UTP15: variants seen among roughly 807,000 people sequenced by gnomAD.
The protein encoded by UTP15 is U3 small nucleolar RNA-associated protein 15 homolog.
A neutral mutation model predicts 59.1 loss-of-function variants in UTP15; 5 were observed. The ratio of observed to expected loss-of-function variants is 0.08; its 90% CI spans 0.04 to 0.18. The LOEUF is 0.18. UTP15 is among the 10% of genes least tolerant of loss of function. The probability of loss-of-function intolerance (pLI) is 1.00; values close to 1 mark genes in which losing one functional copy is unlikely to be tolerated. For synonymous variants in UTP15, 211 were observed against 212.2 expected (o/e 0.99, Z 0.05); for missense variants, 494 against 616.7 (o/e 0.80, Z 2.11).
chr5:73,569,756 G>T, intron 5 of UTP15, 81 bp downstream of exon 5: 1 of 1,273,514 alleles, frequency 7.9e-7, no homozygotes. Context: ...CTTTTGGGAT[G>T]GAGGGGTTTA....
Position 73,582,497 on chromosome 5 carries a change from A to C in UTP15, c.*2403A>C, listed in dbSNP as rs1048450533. ...TCTCCTAGGCTGAAGCTATCCTCCC[A>C]CCTCAGCCTCCTGAGAAGCTGGGGC... On this transcript the variant is annotated 3_prime_UTR_variant, in exon 13 of 13. Coordinates refer to ENST00000296792, the MANE Select transcript of UTP15 (RefSeq NM_032175.4). 1 of 152,006 alleles carries C rather than the reference A, an allele frequency of 6.6e-6. No homozygotes were observed. Among genetic ancestry groups the C allele is most frequent in the Non-Finnish European group, 1.5e-5 (1 of 68,024 alleles). 9.4% of individuals were successfully genotyped at this position (152,006 alleles called of 1,614,324 possible).
At chr5:73,566,387 T>G (rs1747765838) in intron 1 of UTP15, among the ~76,000 whole-genome samples, 1 of 152,212 alleles carries the variant, frequency 6.6e-6, no homozygotes, top group African/African-American at 2.4e-5. Context: ...CATTCACCAT[T>G]ATAGCCCCAG....
intron 7 of UTP15, among the ~76,000 whole-genome samples, chr5:73,573,293 G>C (rs1314175657): frequency 6.7e-6 from 1 of 150,204 alleles, no homozygotes; most frequent in African/African-American, 2.5e-5. Flanking sequence ...TGTTGCCCAG[G>C]CTGGTGTGCA....
chr5:73,577,848 G>C lies in UTP15; in HGVS notation c.895-8G>C. On this transcript the variant is annotated splice_region_variant and splice_polypyrimidine_tract_variant and intron_variant, in intron 8 of 12. Coordinates refer to ENST00000296792, the MANE Select transcript of UTP15 (RefSeq NM_032175.4). ...AATAGACTAACTTATTTTTCTAATT[G>C]TTATTAGCATGAAGATGAGACAATA... 6.4e-7 allele frequency: 1 copy of C among 1,573,342 alleles called. No homozygotes were observed. The highest frequency in any genetic ancestry group is 8.6e-7 in the Non-Finnish European group (1 of 1,166,828).
rs764471134 is a variant in UTP15 at position 73,578,838 on chromosome 5, G to A, written c.1132G>A (p.Asp378Asn). The change falls in exon 10 of 13, where the codon GAT (aspartate) becomes AAT (asparagine). Residue 378 changes from aspartate to asparagine, a missense_variant. By Grantham distance (23) the Asp-to-Asn change is conservative. Coordinates refer to ENST00000296792, the MANE Select transcript of UTP15 (RefSeq NM_032175.4). ...ACATTTTCGGATCTCTAAGGCACTC[G>A]ATAGAGTTCTTGATGTGAGTGAGCA... ...LKHFRISKAL[D>N]RVLDPTCTIK... is the part of the protein sequence containing the mutation. The A allele has an allele frequency of 4.4e-6, 7 of 1,606,282 alleles. No homozygotes were observed. Among genetic ancestry groups the A allele is most frequent in the Non-Finnish European group, 6.0e-6 (7 of 1,174,046 alleles).
chr5:73,568,069 G>A (rs168223), intron 2 of UTP15, among the ~76,000 whole-genome samples, 166 bp from the exon 3 acceptor site: 27,823 of 152,018 alleles, frequency 0.18, 2,884 homozygotes, highest in Non-Finnish European at 0.23. Flanking sequence ...AGAATAGTCT[G>A]GGTGATGAGA....
rs113620423 is a variant in UTP15 at position 73,578,984 on chromosome 5, G to A, written c.1147-33G>A. On this transcript the variant is annotated intron_variant, in intron 10 of 12. Coordinates refer to ENST00000296792, the MANE Select transcript of UTP15 (RefSeq NM_032175.4). ...ACAGTGATTTTTTTTGTGCTGTTTTGTCTACTCATGTTGACTTTGAAAATT... is the reference window on the plus strand; with the variant it reads ...ACAGTGATTTTTTTTGTGCTGTTTTATCTACTCATGTTGACTTTGAAAATT... 4.3e-3 allele frequency: 6,832 copies of A among 1,598,770 alleles called. 219 individuals are homozygous for A. In the African/African-American group the frequency reaches 0.076, roughly 18 times the overall value.
Position 73,579,373 on chromosome 5 carries a change from T to C in UTP15, c.1337T>C (p.Ile446Thr). ...PVLINAAEII[I>T]DIYLPVIGQS... is the part of the protein sequence containing the mutation. ...TTAATCAATGCTGCTGAAATAATTA[T>C]TGGTAAGTCATTGTTAAAACTTGAA... Residue 446 changes from isoleucine (I) to threonine (T), a missense_variant and splice_region_variant, in exon 12 of 13, where the codon ATT (isoleucine) becomes ACT (threonine). Physicochemically the swap from Ile to Thr is moderately conservative, Grantham distance 89. Transcript: ENST00000296792. The C allele has an allele frequency of 1.2e-6, 2 of 1,604,416 alleles. No homozygotes were observed. Among genetic ancestry groups the C allele is most frequent in the Middle Eastern group, 1.7e-4 (1 of 6,034 alleles).
At chr5:73,569,965 T>C (rs1747883290) in intron 5 of UTP15, among the ~76,000 whole-genome samples, 1 of 152,028 alleles carries the variant, frequency 6.6e-6, no homozygotes, top group Non-Finnish European at 1.5e-5. Flanking sequence ...CCCAAGTAGC[T>C]GGGACTACAG....
chr5:73,568,154 A>G, intron 2 of UTP15, 81 bp from the exon 3 acceptor site: 1 of 1,041,768 alleles, frequency 9.6e-7, no homozygotes, highest in Non-Finnish European at 1.4e-6. Context: ...ACAAAGAGAA[A>G]CGGTCTGTAA....
intron 1 of UTP15, 67 bp from the exon 2 acceptor site, chr5:73,567,195 A>G (rs1400856443): frequency 2.2e-6 from 1 of 446,902 alleles, no homozygotes; most frequent in African/African-American, 2.0e-5. Context: ...CTTTTTAAAG[A>G]AAGCAGAGTG....
At position 73,570,673 on chromosome 5, in the gene UTP15, T is replaced by C. The variant is rs1747906252; in HGVS notation, c.635T>C (p.Val212Ala). 6.2e-7 allele frequency: 1 copy of C among 1,614,080 alleles called. No homozygotes were observed. Among genetic ancestry groups the C allele is most frequent in the African/African-American group, 1.3e-5 (1 of 74,938 alleles). Residue 212 changes from valine to alanine, a missense_variant, in exon 6 of 13, where the codon GTC (valine) becomes GCC (alanine). By Grantham distance (64) the Val-to-Ala change is moderately conservative. Coordinates refer to ENST00000296792, the MANE Select transcript of UTP15 (RefSeq NM_032175.4). ...GAGCATGGGCAGCCAGTGGAGAGTG[T>C]CCTACTTTTCCCCTCTGGAGGTCTT... ...SVEHGQPVES[V>A]LLFPSGGLLV...
Position 73,579,958 on chromosome 5 carries a change from T to C in UTP15, c.1421T>C (p.Ile474Thr), listed in dbSNP as rs1484491334. The change falls in exon 13 of 13, where the codon ATT (isoleucine) becomes ACT (threonine). Residue 474 changes from isoleucine (I) to threonine (T), a missense_variant. Transcript: ENST00000296792. ...CTTCAAGGACTTGTAGAAAAAGAGATTGATTACCAAAGAGAATTGTTAGAA... is the reference window on the plus strand; with the variant it reads ...CTTCAAGGACTTGTAGAAAAAGAGACTGATTACCAAAGAGAATTGTTAGAA... Reference protein sequence around the residue: ...LLLQGLVEKEIDYQRELLETL... With the variant: ...LLLQGLVEKETDYQRELLETL... 5.6e-6 allele frequency: 9 copies of C among 1,613,722 alleles called. No homozygotes were observed. Among genetic ancestry groups the C allele is most frequent in the Non-Finnish European group, 7.6e-6 (9 of 1,179,838 alleles).
At chr5:73,568,909 C>T (rs1156719228) in intron 4 of UTP15, among the ~76,000 whole-genome samples, 5 of 152,142 alleles carry the variant, frequency 3.3e-5, no homozygotes, top group Non-Finnish European at 2.9e-5. Flanking sequence ...AATTACTGAC[C>T]TGAAGACAAC....
chr5:73,575,302 T>A (rs914294908), intron 7 of UTP15, among the ~76,000 whole-genome samples: 7 of 152,230 alleles, frequency 4.6e-5, no homozygotes, highest in Non-Finnish European at 1.0e-4. Context: ...GTAAATTGGC[T>A]CTATTTGTGG....
chr5:73,576,663 G>A (rs2112054707), intron 7 of UTP15, among the ~76,000 whole-genome samples: 1 of 151,940 alleles, frequency 6.6e-6, no homozygotes, highest in South Asian at 2.1e-4. Flanking sequence ...AGTAGAGATG[G>A]AGTTTCACCA....
chr5:73,565,961 C>T, intron 1 of UTP15, 49 bp downstream of exon 1: 1 of 449,292 alleles, frequency 2.2e-6, no homozygotes. Context: ...CACACCCGGC[C>T]TTCCTGTGTT....
intron 7 of UTP15, among the ~76,000 whole-genome samples, chr5:73,575,253 T>C (rs923138583): frequency 2.0e-5 from 3 of 152,230 alleles, no homozygotes; most frequent in African/African-American, 7.2e-5. Context: ...ACTCGGCAAT[T>C]TGGGACTTGA....
In UTP15 at chr5:73,581,376, G is replaced by T. The variant is rs1051093757; in HGVS notation, c.*1282G>T. 6.6e-5 allele frequency: 10 copies of T among 152,126 alleles called. No homozygotes were observed. The highest frequency in any genetic ancestry group is 2.4e-4 in the African/African-American group (10 of 41,422). 9.4% of individuals were successfully genotyped at this position (152,126 alleles called of 1,614,324 possible). A position where few individuals can be genotyped will look rare whatever the true frequency, so the allele number is the denominator to read the frequency against. ...TGTAACTATTATTTTTTTATAAAGA[G>T]AGATTCTTATTTTCTTGGCTTTTTG... On this transcript the variant is annotated 3_prime_UTR_variant, in exon 13 of 13. Transcript: ENST00000296792.
Sources: gnomAD v4.1 joint callset for allele counts (sites outside exome capture counted in the v4.1 genomes callset) on GRCh38, gnomAD v4.1.1 for gene constraint, MANE v1.5 for transcripts, NCBI Gene and HGNC (gene_info 2026-07-23, HGNC 2026-07-21) for gene names.